Variants in NT5DC3 observed in about 807,000 individuals in gnomAD.
NT5DC3 encodes the protein 5'-nucleotidase domain containing 3.
In NT5DC3, 42 loss-of-function variants were observed where a neutral mutation model predicts 67.8. That is an observed-to-expected ratio of 0.62 (90% confidence interval 0.48 to 0.80). NT5DC3 has a LOEUF of 0.80. Among genes scored for constraint, NT5DC3 ranks in the 30% least tolerant of loss-of-function variants. The pLI, the probability that NT5DC3 is intolerant of heterozygous loss-of-function variation, is 0.00. For missense variants in NT5DC3, 570 were observed against 696.4 expected, an observed-to-expected ratio of 0.82 and a Z score of 2.04; for synonymous variants, 237 against 255.6, an observed-to-expected ratio of 0.93 and a Z score of 0.69.
intron 11 of NT5DC3, 106 bp from the exon 12 acceptor site, chr12:103,785,581 T>C (rs990161674): frequency 1.8e-6 from 2 of 1,123,786 alleles, no homozygotes; most frequent in Non-Finnish European, 2.7e-6. Context: ...TTTTTGATGG[T>C]AATGGTTAGT....
At chr12:103,757,525 G>A in the NT5DC3 span, among the ~76,000 whole-genome samples, 1 of 152,266 alleles carries the variant, frequency 6.6e-6, no homozygotes, top group African/African-American at 2.4e-5. Flanking sequence ...AAAAAGTGGA[G>A]CAGGGCTTGG....
the NT5DC3 span, chr12:103,761,533 A>G: frequency 2.4e-6 from 2 of 839,426 alleles, no homozygotes; most frequent in Non-Finnish European, 3.7e-6. Context: ...AGGAGCCTCC[A>G]GCCTCCAACC....
At chr12:103,757,226 C>G in the NT5DC3 span, among the ~76,000 whole-genome samples, 3 of 151,582 alleles carry the variant, frequency 2.0e-5, no homozygotes, top group African/African-American at 7.3e-5. Flanking sequence ...GCAGCTGGGA[C>G]TACAGGCACA....
chr12:103,812,547 T>C (rs984934469), intron 2 of NT5DC3, among the ~76,000 whole-genome samples: 2 of 152,224 alleles, frequency 1.3e-5, no homozygotes, highest in Admixed American at 6.5e-5. Flanking sequence ...CATAAACTTT[T>C]TATGTTCACA....
At chr12:103,806,008 C>A (rs1434911540) in intron 4 of NT5DC3, among the ~76,000 whole-genome samples, 2 of 152,094 alleles carry the variant, frequency 1.3e-5, no homozygotes, top group Non-Finnish European at 2.9e-5. Context: ...AAAACCAGTC[C>A]TTCCTCCAGT....
At chr12:103,756,254 G>A in the NT5DC3 span, among the ~76,000 whole-genome samples, 14 of 152,216 alleles carry the variant, frequency 9.2e-5, no homozygotes. Context: ...CCAGCGAAGA[G>A]AAAGCCTCAT....
At chr12:103,758,351 CTG>C in the NT5DC3 span, 86 of 1,597,756 alleles carry the variant, frequency 5.4e-5, no homozygotes, top group Non-Finnish European at 7.1e-5. Flanking sequence ...CACAACAATG[CTG>C]TGTCACAAAT....
At chr12:103,749,932 G>A in the NT5DC3 span, among the ~76,000 whole-genome samples, 8 of 150,726 alleles carry the variant, frequency 5.3e-5, no homozygotes, top group African/African-American at 1.5e-4. Flanking sequence ...GTCCGTTCCT[G>A]GTTATAAAGG....
chr12:103,833,719 G>GA (rs11462957), intron 1 of NT5DC3, among the ~76,000 whole-genome samples: 60,624 of 142,988 alleles, frequency 0.42, 12,949 homozygotes, highest in South Asian at 0.64. Context: ...TAATTCTAAT[G>GA]AAAAAAAAAA....
At chr12:103,746,655 C>T in the NT5DC3 span, 13 of 1,614,112 alleles carry the variant, frequency 8.1e-6, no homozygotes, top group African/African-American at 6.7e-5. Flanking sequence ...AGGAGAACAA[C>T]ACGTGTGAGT....
chr12:103,777,482 G>T lies in NT5DC3; in HGVS notation c.*347C>A. The T allele has an allele frequency of 3.9e-6, 1 of 256,150 alleles. No homozygotes were observed. The highest frequency in any genetic ancestry group is 8.3e-5 in the East Asian group (1 of 12,106). 15.9% of individuals were successfully genotyped at this position (256,150 alleles called of 1,614,324 possible). On this transcript the variant is annotated 3_prime_UTR_variant, in exon 14 of 14. Transcript: ENST00000392876. ...AATGTTCAGGAAATGTTCCATGGAG[G>T]AGTCAAGAACCGTTTCAAGCTTGAC...
At chr12:103,786,319 G>A (rs1885771806) in intron 11 of NT5DC3, among the ~76,000 whole-genome samples, 1 of 152,212 alleles carries the variant, frequency 6.6e-6, no homozygotes, top group Admixed American at 6.5e-5. Context: ...GGGAAAGTAT[G>A]AAAATATGTG....
At chr12:103,754,432 T>C in the NT5DC3 span, among the ~76,000 whole-genome samples, 1 of 152,068 alleles carries the variant, frequency 6.6e-6, no homozygotes, top group African/African-American at 2.4e-5. Context: ...ATTTTCTCAA[T>C]TGTATAAGGA....
intron 4 of NT5DC3, among the ~76,000 whole-genome samples, chr12:103,805,565 C>A (rs1235970175): frequency 1.3e-5 from 2 of 151,912 alleles, no homozygotes; most frequent in Admixed American, 1.3e-4. Context: ...TACAAAGACG[C>A]CCGGGCGTGG....
chr12:103,749,235 CT>C, the NT5DC3 span: 1 of 1,417,636 alleles, frequency 7.1e-7, no homozygotes, highest in African/African-American at 1.4e-5. Flanking sequence ...CTCCCATACT[CT>C]GCTTATCTCC....
rs1397083807 is a variant in NT5DC3 at position 103,830,100 on chromosome 12, G to T, written c.208+10849C>A. ...TTACAAGGAACTTACTACGCAATAG[G>T]CGCTATTTTAAAAACTCTACATACA... On this transcript the variant is annotated intron_variant, in intron 1 of 13. Transcript: ENST00000392876. Among the ~76,000 whole-genome samples the T allele has an allele frequency of 2.0e-5, 3 of 152,216 alleles. No homozygotes were observed. The East Asian group carries it at 5.8e-4, about 29-fold the overall frequency.
the NT5DC3 span, chr12:103,762,458 T>A: frequency 6.2e-7 from 1 of 1,612,542 alleles, no homozygotes; most frequent in African/African-American, 1.3e-5. Flanking sequence ...ACCCAGTCCC[T>A]GGACCTGGGC....
chr12:103,835,541 C>T (rs775801626), intron 1 of NT5DC3, among the ~76,000 whole-genome samples: 4 of 152,118 alleles, frequency 2.6e-5, no homozygotes, highest in African/African-American at 7.2e-5. Flanking sequence ...GTTATGGCAC[C>T]GCCCTAATCA....
rs1050317990 is a variant in NT5DC3, at chr12:103,841,095, G to A, written c.62C>T (p.Ala21Val). The change falls in exon 1 of 14, where the codon GCG (alanine) becomes GTG (valine). Residue 21 changes from alanine (A) to valine (V), a missense_variant. Around this residue, in one of 2 missense-constraint regions of NT5DC3, gnomAD observed 104 missense variants for 88.4 expected, o/e 1.18. Coordinates refer to ENST00000392876, the MANE Select transcript of NT5DC3 (RefSeq NM_001031701.3). ...GGTCCCGCAGCCACCCCGCAAAGCCGCCGCTGTCGCTGCCCTCGCCCCGGC... is the reference window on the plus strand; with the variant it reads ...GGTCCCGCAGCCACCCCGCAAAGCCACCGCTGTCGCTGCCCTCGCCCCGGC... ...RGAGARAATA[A>V]ALRGGCGTAA... 1.1e-5 allele frequency: 13 copies of A among 1,187,220 alleles called. No individual in the cohort carries two copies. Among genetic ancestry groups the A allele is most frequent in the African/African-American group, 1.6e-5 (1 of 62,452 alleles). The allele number at this position is 1,187,220 out of a possible 1,614,324, so 73.5% of individuals were successfully genotyped here.
Sources: gnomAD v4.1 joint callset for allele counts (sites outside exome capture counted in the v4.1 genomes callset) on GRCh38, gnomAD v4.1.1 for gene constraint, gnomAD v4.1.1 regional missense constraint, MANE v1.5 for transcripts, NCBI Gene and HGNC (gene_info 2026-07-23, HGNC 2026-07-21) for gene names.